SLC26A5: variants seen among roughly 807,000 people sequenced by gnomAD.
SLC26A5 encodes the protein solute carrier family 26 member 5, also known as prestin.
Under a neutral mutation model 81.0 loss-of-function variants are expected in SLC26A5, and 51 were observed. The observed-to-expected ratio is 0.63, with a 90% CI of 0.50 to 0.80. The LOEUF is 0.80. Among genes scored for constraint, SLC26A5 ranks in the 30% least tolerant of loss-of-function variants. SLC26A5 has a pLI of 0.00. For missense variants in SLC26A5, 771 were observed against 905.8 expected (o/e 0.85, Z 1.91); for synonymous variants, 325 against 332.8 (o/e 0.98, Z 0.25).
In SLC26A5 at chr7:103,410,029, G is replaced by T. The variant is rs184388848; in HGVS notation, c.735+356C>A. Among the ~76,000 whole-genome samples the T allele has an allele frequency of 2.7e-3, 411 of 152,216 alleles. 1 individual carries two copies. Among genetic ancestry groups the T allele is most frequent in the African/African-American group, 9.3e-3 (387 of 41,552 alleles). On this transcript the variant is annotated intron_variant, in intron 7 of 19. Coordinates refer to ENST00000306312, the MANE Select transcript of SLC26A5 (RefSeq NM_198999.3). Reference sequence around the variant, plus strand: ...GCCTTAATTAGCAGTTTTTGAGAGAGAAATGTTCTACCTTCATGCCTTTAA... The same window carrying T: ...GCCTTAATTAGCAGTTTTTGAGAGATAAATGTTCTACCTTCATGCCTTTAA...
intron 9 of SLC26A5, among the ~76,000 whole-genome samples, chr7:103,393,669 G>A (rs987323886): frequency 2.6e-5 from 4 of 151,862 alleles, no homozygotes; most frequent in Admixed American, 6.6e-5. Context: ...TGTCACCTGG[G>A]AATCTTGTGA....
chr7:103,430,491 A>C (rs767181763), intron 2 of SLC26A5, among the ~76,000 whole-genome samples: 1 of 144,286 alleles, frequency 6.9e-6, no homozygotes, highest in Non-Finnish European at 1.5e-5. Flanking sequence ...AATGACATAG[A>C]CCTCAATTCA....
intron 7 of SLC26A5, among the ~76,000 whole-genome samples, chr7:103,409,800 C>T (rs545170033): frequency 3.9e-5 from 6 of 152,012 alleles, no homozygotes; most frequent in Middle Eastern, 3.4e-3. Flanking sequence ...CTCCACCTCC[C>T]GGGTTCACGC....
At chr7:103,397,907 C>T in intron 9 of SLC26A5, 25 bp downstream of exon 9, 1 of 1,523,440 alleles carries the variant, frequency 6.6e-7, no homozygotes, top group Non-Finnish European at 9.1e-7. Context: ...TTCAGTCACA[C>T]AGTTACTTAA....
At chr7:103,399,931 T>C (rs966006085) in intron 8 of SLC26A5, among the ~76,000 whole-genome samples, 2 of 152,200 alleles carry the variant, frequency 1.3e-5, no homozygotes, top group African/African-American at 4.8e-5. Context: ...TAGTATTCCA[T>C]GGTGTATATG....
At chr7:103,431,984 C>T (rs543221155) in intron 2 of SLC26A5, among the ~76,000 whole-genome samples, 4 of 152,240 alleles carry the variant, frequency 2.6e-5, no homozygotes, top group African/African-American at 7.2e-5. Flanking sequence ...GGCATGAGCT[C>T]GGTTCACTGC....
chr7:103,366,439 A>T (rs1415621006), intron 19 of SLC26A5, among the ~76,000 whole-genome samples: 1 of 152,210 alleles, frequency 6.6e-6, no homozygotes, highest in Non-Finnish European at 1.5e-5. Flanking sequence ...TGGAATTCAC[A>T]TATTTTGGAT....
intron 8 of SLC26A5, among the ~76,000 whole-genome samples, chr7:103,402,877 A>G (rs1823723900): frequency 6.6e-6 from 1 of 152,064 alleles, no homozygotes; most frequent in East Asian, 1.9e-4. Flanking sequence ...TATCTCCTTC[A>G]GTTCTGCTCT....
At chr7:103,437,463 C>CA (rs1315252300) in intron 2 of SLC26A5, among the ~76,000 whole-genome samples, 2 of 152,166 alleles carry the variant, frequency 1.3e-5, no homozygotes, top group African/African-American at 4.8e-5. Flanking sequence ...ATCAATACGT[C>CA]AAAGGGATAT....
chr7:103,358,358 C>T (rs1820162602), intron 19 of SLC26A5, among the ~76,000 whole-genome samples: 1 of 152,074 alleles, frequency 6.6e-6, no homozygotes, highest in African/African-American at 2.4e-5. Flanking sequence ...CTCTCTTGTC[C>T]TTTAGTAAGG....
chr7:103,407,724 C>T (rs1354386548), intron 8 of SLC26A5, 127 bp downstream of exon 8: 3 of 1,073,268 alleles, frequency 2.8e-6, no homozygotes, highest in African/African-American at 1.6e-5. Context: ...TCAAATTTGA[C>T]AAATTGTAAC....
chr7:103,436,666 G>T (rs924845997), intron 2 of SLC26A5, among the ~76,000 whole-genome samples: 5 of 152,138 alleles, frequency 3.3e-5, no homozygotes, highest in African/African-American at 1.2e-4. Context: ...GCTGAATGTT[G>T]GGTAGGGCTT....
intron 19 of SLC26A5, chr7:103,354,008 A>G (rs1339424620): frequency 1.4e-6 from 2 of 1,428,596 alleles, no homozygotes; most frequent in Admixed American, 2.2e-5. Context: ...GTTGAAATAA[A>G]AACTGTTTTG....
intron 19 of SLC26A5, chr7:103,362,794 CTTTTTTTTT>C: frequency 3.6e-6 from 3 of 839,780 alleles, no homozygotes; most frequent in Non-Finnish European, 3.5e-6. Context: ...AAGGCTATGT[CTTTTTTTTT>C]TTTTTTTTTT....
chr7:103,420,410 G>A (rs1825252388), intron 4 of SLC26A5, among the ~76,000 whole-genome samples: 1 of 144,802 alleles, frequency 6.9e-6, no homozygotes, highest in Non-Finnish European at 1.5e-5. Flanking sequence ...ATCCTCCTAT[G>A]TCAGCCTCTT....
Position 103,378,433 on chromosome 7 carries a change from A to G in SLC26A5, c.1785+13T>C, listed in dbSNP as rs1487631937. The G allele has an allele frequency of 6.2e-7, 1 of 1,611,632 alleles. No individual in the cohort carries two copies. The highest frequency in any genetic ancestry group is 1.1e-5 in the South Asian group (1 of 91,024). On this transcript the variant is annotated intron_variant, in intron 17 of 19. Transcript: ENST00000306312. ...AAGACAGAACGGATTATTTCAATGA[A>G]AAGACCACTCACTGCTTTGACAACA...
At chr7:103,399,188 C>T (rs1462227761) in intron 8 of SLC26A5, among the ~76,000 whole-genome samples, 1 of 152,144 alleles carries the variant, frequency 6.6e-6, no homozygotes, top group East Asian at 1.9e-4. Flanking sequence ...AACCATTCCC[C>T]TGGGAAACAT....
At chr7:103,403,330 G>GA (rs1348916189) in intron 8 of SLC26A5, among the ~76,000 whole-genome samples, 1 of 152,200 alleles carries the variant, frequency 6.6e-6, no homozygotes, top group Non-Finnish European at 1.5e-5. Flanking sequence ...GTGGTGCTGA[G>GA]AAGAATGAAT....
At chr7:103,355,831 G>A in intron 19 of SLC26A5, 1 of 1,422,460 alleles carries the variant, frequency 7.0e-7, no homozygotes, top group Non-Finnish European at 9.9e-7. Context: ...ACCTTTGTCT[G>A]TATTTTCAAG....
Sources: gnomAD v4.1 joint callset for allele counts (sites outside exome capture counted in the v4.1 genomes callset) on GRCh38, gnomAD v4.1.1 for gene constraint, MANE v1.5 for transcripts, NCBI Gene and HGNC (gene_info 2026-07-23, HGNC 2026-07-21) for gene names.